SPATA31C2: variants seen among roughly 807,000 people sequenced by gnomAD.
The protein encoded by SPATA31C2 is SPATA31 subfamily C member 2.
In SPATA31C2, 5 loss-of-function variants were observed where a neutral mutation model predicts 11.4. The observed-to-expected ratio is 0.44, with a 90% CI of 0.23 to 0.92. The LOEUF (loss-of-function observed/expected upper bound fraction) is 0.92, where lower values mean the gene tolerates loss of function less well. Ranked by LOEUF, SPATA31C2 falls within the 40% of genes least tolerant of loss-of-function variation. SPATA31C2 has a pLI of 0.24. For synonymous variants in SPATA31C2, 515 were observed against 538.7 expected (o/e 0.96, Z 0.61); for missense variants, 1,353 against 1,368.6 (o/e 0.99, Z 0.18).
In SPATA31C2 at chr9:88,135,661, A is replaced by G. The variant is rs1198676116; in HGVS notation, c.190-1992T>C. The stretch of plus-strand genomic sequence containing the variant: ...TGAGTAGCTGGGACTACAGGCGCCC[A>G]CCACCACCACGCCCTGCTAATTTCT... On this transcript the variant is annotated intron_variant, in intron 1 of 3. Transcript: ENST00000324915. Among the ~76,000 whole-genome samples, 672 of 124,284 alleles carry G rather than the reference A, an allele frequency of 5.4e-3. 1 individual carries two copies. Among genetic ancestry groups the G allele is most frequent in the Non-Finnish European group, 8.1e-3 (482 of 59,554 alleles). The allele number at this position is 124,284 out of a possible 152,430, so 81.5% of individuals were successfully genotyped here. A position where few individuals can be genotyped will look rare whatever the true frequency, so the allele number is the denominator to read the frequency against.
chr9:88,129,675 T>C lies in SPATA31C2; in HGVS notation c.3362A>G (p.Asn1121Ser). 9 of 1,603,722 alleles carry C rather than the reference T, an allele frequency of 5.6e-6. No individual in the cohort carries two copies. In the Middle Eastern group the frequency reaches 1.2e-3, roughly 209 times the overall value. ...TCTGTCTCTGTTGGGACGACTCTGGTTCTTGAGAGTGGCTTGTTGACTGCT... is the reference window on the plus strand; with the variant it reads ...TCTGTCTCTGTTGGGACGACTCTGGCTCTTGAGAGTGGCTTGTTGACTGCT... ...AASSQQATLK[N>S]QSRPNRDRQI... The change falls in exon 4 of 4, where the codon AAC becomes AGC. Residue 1121 changes from asparagine to serine, a missense_variant. This residue lies in a region of SPATA31C2 where 187 missense variants were observed against 205.8 expected (regional missense o/e 0.91). Coordinates refer to ENST00000324915, the MANE Select transcript of SPATA31C2 (RefSeq NM_001350978.3).
chr9:88,132,044 A>G lies in SPATA31C2; in HGVS notation c.993T>C (p.Pro331=). 6.2e-7 allele frequency: 1 copy of G among 1,610,878 alleles called. No individual in the cohort carries two copies. The highest frequency in any genetic ancestry group is 1.1e-5 in the South Asian group (1 of 91,042). The part of the protein sequence containing the change: ...FQAQPLSHLE[P]ESQPFISSTP... ...TGGATGAAATAAAGGGTTGGGACTC[A>G]GGCTCCAGATGGGACAGGGGCTGGG... The change falls in exon 4 of 4, where the codon CCT becomes CCC. Residue 331 remains proline, a synonymous_variant. Transcript: ENST00000324915.
At position 88,130,723 on chromosome 9, in the gene SPATA31C2, G is replaced by T. The variant is rs765271346; in HGVS notation, c.2314C>A (p.Pro772Thr). Residue 772 changes from proline (P) to threonine (T), a missense_variant, in exon 4 of 4, where the codon CCC becomes ACC. Pro to Thr is a conservative substitution (Grantham distance 38). This residue lies in a region of SPATA31C2 where 1,075 missense variants were observed against 992.8 expected (regional missense o/e 1.08). Coordinates refer to ENST00000324915, the MANE Select transcript of SPATA31C2 (RefSeq NM_001350978.3). ...CTGCCTGTGAGGCTGTATGTGAGGG[G>T]CTTAGATGGCCACCTGCCCTCCTGT... ...AGQEGRWPSK[P>T]LTYSLTGSTQ... is the part of the protein sequence containing the mutation. The T allele has an allele frequency of 8.7e-6, 14 of 1,613,606 alleles. No homozygotes were observed. The highest frequency in any genetic ancestry group is 1.3e-5 in the African/African-American group (1 of 74,918).
In SPATA31C2 at chr9:88,132,478, G is replaced by A. The variant is rs765422740; in HGVS notation, c.559C>T (p.Leu187=). Residue 187 remains leucine, a synonymous_variant, in exon 4 of 4, where the codon CTA becomes TTA. Coordinates refer to ENST00000324915, the MANE Select transcript of SPATA31C2 (RefSeq NM_001350978.3). ...GGTTCTGGTGGCTGGGAGGCACTTA[G>A]GGAGGAGACTGAGGTGGTCATTGGG... is the stretch of plus-strand genomic sequence containing the variant. ...PGPMTTSVSS[L]SASQPPEPSL... is the part of the protein sequence containing the mutation. 4 of 1,611,214 alleles carry A rather than the reference G, an allele frequency of 2.5e-6. No homozygotes were observed. The highest frequency in any genetic ancestry group is 3.4e-6 in the Non-Finnish European group (4 of 1,178,072).
rs563421774 is a variant in SPATA31C2 at position 88,133,754 on chromosome 9, C to T, written c.190-85G>A. The T allele has an allele frequency of 2.7e-3, 4,265 of 1,575,152 alleles. 12 individuals carry two copies. The highest frequency in any genetic ancestry group is 4.4e-3 in the Middle Eastern group (26 of 5,890). Reference sequence around the variant, plus strand: ...GCCGCAGCACGCTGCACTCATGAACCGCATGGCTCTGTCTGTCTTGCTCAG... The same window carrying T: ...GCCGCAGCACGCTGCACTCATGAACTGCATGGCTCTGTCTGTCTTGCTCAG... On this transcript the variant is annotated intron_variant, in intron 1 of 3. Transcript: ENST00000324915.
Position 88,130,181 on chromosome 9 carries a change from A to C in SPATA31C2, c.2856T>G (p.Pro952=), listed in dbSNP as rs1361691374. 9 of 1,608,666 alleles carry C rather than the reference A, an allele frequency of 5.6e-6. No individual in the cohort carries two copies. The highest frequency in any genetic ancestry group is 1.3e-5 in the African/African-American group (1 of 74,834). ...TCCTAGAGTTCTCCCTCTTGTGAGT[A>C]GGGGGAAACATTGGGCTTTGGCTCT... ...SCKSQSPMFP[P]THKRENSRKP... is the part of the protein sequence containing the mutation. Residue 952 remains proline, a synonymous_variant, in exon 4 of 4, where the codon CCT becomes CCG. Coordinates refer to ENST00000324915, the MANE Select transcript of SPATA31C2 (RefSeq NM_001350978.3).
In SPATA31C2 at chr9:88,132,071, C is replaced by T. The variant is rs770186371; in HGVS notation, c.966G>A (p.Gln322=). The part of the protein sequence containing the change: ...RDTTMSPLLF[Q]AQPLSHLEPE... ...GCTCCAGATGGGACAGGGGCTGGGC[C>T]TGGAAAAGCAGTGGGGACATTGTAG... is the stretch of plus-strand genomic sequence containing the variant. The change falls in exon 4 of 4, where the codon CAG becomes CAA. Residue 322 remains glutamine, a synonymous_variant. Transcript: ENST00000324915. 7.4e-6 allele frequency: 12 copies of T among 1,610,780 alleles called. No individual in the cohort carries two copies. The highest frequency in any genetic ancestry group is 1.0e-5 in the Non-Finnish European group (12 of 1,177,668).
intron 2 of SPATA31C2, 140 bp downstream of exon 2, chr9:88,133,454 G>A: frequency 8.2e-7 from 1 of 1,217,454 alleles, no homozygotes; most frequent in South Asian, 1.4e-5. Flanking sequence ...CGGCGGCACA[G>A]AATCTGAGAA....
In SPATA31C2 at chr9:88,131,436, C is replaced by T. The variant is rs1338001164; in HGVS notation, c.1601G>A (p.Ser534Asn). 6.2e-7 allele frequency: 1 copy of T among 1,611,996 alleles called. No homozygotes were observed. Among genetic ancestry groups the T allele is most frequent in the Non-Finnish European group, 8.5e-7 (1 of 1,179,860 alleles). ...TPQNLSRGME[S>N]FPGKVLGATS... ...CGCCCCCAGAACCTTCCCTGGGAAGCTTTCCATGCCCCTGGATAGATTTTG... is the reference window on the plus strand; with the variant it reads ...CGCCCCCAGAACCTTCCCTGGGAAGTTTTCCATGCCCCTGGATAGATTTTG... Residue 534 changes from serine to asparagine, a missense_variant, in exon 4 of 4, where the codon AGC becomes AAC. This residue lies in a region of SPATA31C2 where 1,075 missense variants were observed against 992.8 expected (regional missense o/e 1.08). Coordinates refer to ENST00000324915, the MANE Select transcript of SPATA31C2 (RefSeq NM_001350978.3).
intron 1 of SPATA31C2, among the ~76,000 whole-genome samples, chr9:88,137,976 C>G (rs1443511617): frequency 1.8e-5 from 2 of 110,700 alleles, no homozygotes; most frequent in Non-Finnish European, 3.3e-5. Flanking sequence ...AGACCTCCCC[C>G]GTCTCATGAC....
Position 88,129,993 on chromosome 9 carries a change from T to C in SPATA31C2, c.3044A>G (p.Gln1015Arg). Residue 1015 changes from glutamine (Q) to arginine (R), a missense_variant, in exon 4 of 4, where the codon CAA becomes CGA. Gln to Arg is a conservative substitution (Grantham distance 43). Coordinates refer to ENST00000324915, the MANE Select transcript of SPATA31C2 (RefSeq NM_001350978.3). The part of the protein sequence containing the change: ...SISHFGENIK[Q>R]FFQTIFSKKE... ...CTTTGAAAAAATCGTCTGAAAAAAT[T>C]GCTTGATGTTTTCTCCAAAGTGGCT... The C allele has an allele frequency of 6.2e-7, 1 of 1,608,822 alleles. No homozygotes were observed. Among genetic ancestry groups the C allele is most frequent in the East Asian group, 2.2e-5 (1 of 44,702 alleles).
chr9:88,129,830 A>C lies in SPATA31C2; in HGVS notation c.3207T>G (p.Leu1069=). 2 of 1,604,634 alleles carry C rather than the reference A, an allele frequency of 1.2e-6. No homozygotes were observed. Among genetic ancestry groups the C allele is most frequent in the South Asian group, 1.1e-5 (1 of 90,956 alleles). The change falls in exon 4 of 4, where the codon CTT becomes CTG. Residue 1069 remains leucine (L), a synonymous_variant. Transcript: ENST00000324915. ...VGQILEENMS[L]CHARHASKVN... is the part of the protein sequence containing the mutation. ...CCTTCGAGGCATGGCGCGCATGGCA[A>C]AGTGACATGTTCTCCTCCAGTATCT...
chr9:88,130,625 G>C lies in SPATA31C2; in HGVS notation c.2412C>G (p.Pro804=). 1 of 1,613,774 alleles carries C rather than the reference G, an allele frequency of 6.2e-7. No individual in the cohort carries two copies. The highest frequency in any genetic ancestry group is 1.1e-5 in the South Asian group (1 of 91,064). The change falls in exon 4 of 4, where the codon CCC becomes CCG. Residue 804 remains proline, a synonymous_variant. Transcript: ENST00000324915. ...TCATACAGGTTCCCAAGGGGACTGTGGGTTGTGGCACTGCCTCCCTGGTCT... is the reference window on the plus strand; with the variant it reads ...TCATACAGGTTCCCAAGGGGACTGTCGGTTGTGGCACTGCCTCCCTGGTCT... ...AGETREAVPQ[P]TVPLGTCMRA...
Position 88,130,183 on chromosome 9 carries a change from G to C in SPATA31C2, c.2854C>G (p.Pro952Ala), listed in dbSNP as rs754506614. The C allele has an allele frequency of 1.9e-6, 3 of 1,608,734 alleles. No homozygotes were observed. In the African/African-American group the frequency reaches 4.0e-5, roughly 21 times the overall value. The part of the protein sequence containing the change: ...SCKSQSPMFP[P>A]THKRENSRKP... The stretch of plus-strand genomic sequence containing the variant: ...CTAGAGTTCTCCCTCTTGTGAGTAG[G>C]GGGAAACATTGGGCTTTGGCTCTTG... The change falls in exon 4 of 4, where the codon CCT becomes GCT. Residue 952 changes from proline (P) to alanine (A), a missense_variant. Transcript: ENST00000324915.
chr9:88,133,769 G>C (rs1353394747), intron 1 of SPATA31C2, 100 bp from the exon 2 acceptor site: 7 of 1,417,160 alleles, frequency 4.9e-6, no homozygotes, highest in Non-Finnish European at 5.7e-6. Context: ...GGCTCTGTCT[G>C]TCTTGCTCAG....
At chr9:88,135,699 A>G (rs1464796871) in intron 1 of SPATA31C2, among the ~76,000 whole-genome samples, 33 of 129,042 alleles carry the variant, frequency 2.6e-4, no homozygotes, top group Non-Finnish European at 4.0e-4. Flanking sequence ...TTGTATTTTT[A>G]GTAGAGACGG....
Position 88,131,159 on chromosome 9 carries a change from T to G in SPATA31C2, c.1878A>C (p.Lys626Asn). The change falls in exon 4 of 4, where the codon AAA (lysine) becomes AAC (asparagine). Residue 626 changes from lysine to asparagine, a missense_variant. This residue lies in a region of SPATA31C2 where 1,075 missense variants were observed against 992.8 expected (regional missense o/e 1.08). Coordinates refer to ENST00000324915, the MANE Select transcript of SPATA31C2 (RefSeq NM_001350978.3). ...GCACCTGGGCTGTGTTCACACAGGC[T>G]TTCCTGCTTTTCGGGGCTGCTAGAT... ...TSNLAAPKSR[K>N]ACVNTAQVLS... 6.2e-7 allele frequency: 1 copy of G among 1,611,816 alleles called. No individual in the cohort carries two copies. Among genetic ancestry groups the G allele is most frequent in the Non-Finnish European group, 8.5e-7 (1 of 1,179,872 alleles).
chr9:88,130,683 C>T lies in SPATA31C2; in HGVS notation c.2354G>A (p.Arg785Lys), dbSNP rs746411821. The T allele has an allele frequency of 2.4e-5, 38 of 1,613,894 alleles. No individual in the cohort carries two copies. In the South Asian group the frequency reaches 3.7e-4, roughly 16 times the overall value. ...YSLTGSTQQS[R>K]SLGAQSSRAG... is the part of the protein sequence containing the mutation. ...CCTTGAAGATTGGGCTCCTAAGCTC[C>T]TGCTCTGCTGGGTGCTGCCTGTGAG... Residue 785 changes from arginine to lysine, a missense_variant, in exon 4 of 4, where the codon AGG becomes AAG. By Grantham distance (26) the Arg-to-Lys change is conservative. This residue lies in a region of SPATA31C2 where 1,075 missense variants were observed against 992.8 expected (regional missense o/e 1.08). Transcript: ENST00000324915.
At position 88,133,647 on chromosome 9, in the gene SPATA31C2, G is replaced by A. The variant is rs1825637642; in HGVS notation, c.212C>T (p.Pro71Leu). 2 of 1,587,020 alleles carry A rather than the reference G, an allele frequency of 1.3e-6. No individual in the cohort carries two copies. Among genetic ancestry groups the A allele is most frequent in the Non-Finnish European group, 1.7e-6 (2 of 1,166,092 alleles). Reference sequence around the variant, plus strand: ...TCTGGGCCTCCCCCTCCGCCCTGCTGGACGCTGGGAGACAAGATGACGCTG... The same window carrying A: ...TCTGGGCCTCCCCCTCCGCCCTGCTAGACGCTGGGAGACAAGATGACGCTG... ...KRKRHLVSQR[P>L]AGRRGRPRGR... The change falls in exon 2 of 4, where the codon CCA becomes CTA. Residue 71 changes from proline (P) to leucine (L), a missense_variant. Physicochemically the swap from Pro to Leu is moderately conservative, Grantham distance 98 (BLOSUM62 -3). Around this residue, in one of 6 missense-constraint regions of SPATA31C2, gnomAD observed 67 missense variants for 41.4 expected, o/e 1.62. Transcript: ENST00000324915.
Sources: gnomAD v4.1 joint callset for allele counts (sites outside exome capture counted in the v4.1 genomes callset) on GRCh38, gnomAD v4.1.1 for gene constraint, gnomAD v4.1.1 regional missense constraint, MANE v1.5 for transcripts, NCBI Gene and HGNC (gene_info 2026-07-23, HGNC 2026-07-21) for gene names.